The following PSMD14 variants were observed in gnomAD, a reference collection of about 807,000 sequenced individuals.
PSMD14 encodes the protein proteasome 26S subunit, non-ATPase 14, also known as ubiquitin C-terminal hydrolase PSMD14.
A neutral mutation model predicts 41.2 loss-of-function variants in PSMD14; 7 were observed. The observed-to-expected ratio is 0.17, with a 90% confidence interval of 0.10 to 0.32. PSMD14 has a LOEUF of 0.32. Ranked by LOEUF, PSMD14 falls within the 10% of genes least tolerant of loss-of-function variation. The pLI, the probability that PSMD14 is intolerant of heterozygous loss-of-function variation, is 1.00. For synonymous variants in PSMD14, 114 were observed against 122.3 expected, an observed-to-expected ratio of 0.93 and a Z score of 0.45; for missense variants, 139 against 375.6, an observed-to-expected ratio of 0.37 and a Z score of 5.21.
rs139626504 is a variant in PSMD14 at position 161,340,464 on chromosome 2, A to T, written c.48+21591A>T. Among the ~76,000 whole-genome samples the T allele has an allele frequency of 2.7e-3, 413 of 152,318 alleles. 6 individuals are homozygous for T. Among genetic ancestry groups the T allele is most frequent in the African/African-American group, 9.5e-3 (393 of 41,558 alleles). On this transcript the variant is annotated intron_variant, in intron 3 of 11. Transcript: ENST00000409682. ...GGAGTGAAAGTGAACTCTGCTTTTA[A>T]AATGTTCGTTTTATCTAAGGTGTGC... is the stretch of plus-strand genomic sequence containing the variant.
chr2:161,410,675 T>C (rs1413223684), intron 11 of PSMD14, among the ~76,000 whole-genome samples: 1 of 152,100 alleles, frequency 6.6e-6, no homozygotes, highest in Non-Finnish European at 1.5e-5. Context: ...ATACATTTTT[T>C]TCAAAATAGC....
chr2:161,310,320 A>T (rs1689074134), intron 1 of PSMD14, among the ~76,000 whole-genome samples: 1 of 152,214 alleles, frequency 6.6e-6, no homozygotes, highest in South Asian at 2.1e-4. Context: ...AGTGGAAGAG[A>T]TTAATCTAGT....
At chr2:161,347,515 C>T (rs1212044260) in intron 3 of PSMD14, among the ~76,000 whole-genome samples, 1 of 152,098 alleles carries the variant, frequency 6.6e-6, no homozygotes, top group Non-Finnish European at 1.5e-5. Flanking sequence ...GACGTTAGAT[C>T]ATATTAAGAT....
At chr2:161,390,281 GT>G (rs901643674) in intron 8 of PSMD14, among the ~76,000 whole-genome samples, 2 of 151,744 alleles carry the variant, frequency 1.3e-5, no homozygotes, top group Non-Finnish European at 2.9e-5. Context: ...AGTCCTTTTT[GT>G]TTTTATACTT....
At chr2:161,311,033 G>A (rs1379509857) in intron 1 of PSMD14, among the ~76,000 whole-genome samples, 1 of 152,198 alleles carries the variant, frequency 6.6e-6, no homozygotes, top group African/African-American at 2.4e-5. Context: ...TAGGCCAGGC[G>A]TGGTGGCTCA....
chr2:161,354,550 G>A (rs1683167372), intron 3 of PSMD14, among the ~76,000 whole-genome samples: 1 of 152,198 alleles, frequency 6.6e-6, no homozygotes, highest in Non-Finnish European at 1.5e-5. Flanking sequence ...CAAAGTGGGA[G>A]ACAGCCATTT....
rs189238540 is a variant in PSMD14 at position 161,315,621 on chromosome 2, C to A, written c.-137-816C>A. The stretch of plus-strand genomic sequence containing the variant: ...TCACTATTGCATTATTTTCCATATT[C>A]TTGTCATTTTAGTGTTTTTGGAATA... On this transcript the variant is annotated intron_variant, in intron 1 of 11. Transcript: ENST00000409682. 1.9e-3 allele frequency among the ~76,000 whole-genome samples: 293 copies of A among 151,954 alleles called. 3 individuals are homozygous for A. Among genetic ancestry groups the A allele is most frequent in the Admixed American group, 1.6e-3 (25 of 15,260 alleles).
intron 3 of PSMD14, among the ~76,000 whole-genome samples, chr2:161,343,522 T>C (rs757848450): frequency 4.6e-5 from 7 of 152,198 alleles, no homozygotes; most frequent in Non-Finnish European, 1.0e-4. Context: ...GCTATGAACA[T>C]TGGTGTAGAA....
chr2:161,383,766 C>G (rs1209650153), intron 7 of PSMD14: 1 of 151,532 alleles, frequency 6.6e-6, no homozygotes, highest in Non-Finnish European at 1.5e-5. Context: ...GGTGGCAATT[C>G]TTAATTTTCT....
chr2:161,411,256 C>T, intron 11 of PSMD14, 46 bp from the exon 12 acceptor site: 3 of 1,295,912 alleles, frequency 2.3e-6, no homozygotes, highest in South Asian at 2.9e-5. Flanking sequence ...ATTTATCTAC[C>T]AGTAATATGG....
intron 6 of PSMD14, 75 bp from the exon 7 acceptor site, chr2:161,371,097 G>A: frequency 6.8e-7 from 1 of 1,473,100 alleles, no homozygotes; most frequent in South Asian, 1.3e-5. Context: ...TACCCCGTTA[G>A]TGTGTTGTTT....
intron 10 of PSMD14, among the ~76,000 whole-genome samples, chr2:161,404,873 C>G (rs1185578438): frequency 2.0e-5 from 3 of 152,134 alleles, no homozygotes; most frequent in Non-Finnish European, 4.4e-5. Context: ...AAGATTCAGC[C>G]CTTGCCTTTC....
At chr2:161,393,976 T>C (rs1038153852) in intron 9 of PSMD14, among the ~76,000 whole-genome samples, 2 of 139,596 alleles carry the variant, frequency 1.4e-5, no homozygotes, top group African/African-American at 5.4e-5. Context: ...AGATAATTTT[T>C]TTTTTTTTTT....
intron 10 of PSMD14, among the ~76,000 whole-genome samples, chr2:161,399,666 A>G (rs1028528446): frequency 5.3e-5 from 8 of 152,156 alleles, no homozygotes; most frequent in African/African-American, 1.9e-4. Context: ...AAACATGGAA[A>G]AGTTCTAGCC....
intron 3 of PSMD14, among the ~76,000 whole-genome samples, chr2:161,333,667 T>G (rs1342466562): frequency 6.6e-6 from 1 of 152,206 alleles, no homozygotes; most frequent in African/African-American, 2.4e-5. Flanking sequence ...CAATTTAGCA[T>G]CATTCCCAGA....
chr2:161,375,618 C>CT (rs1231082063), intron 7 of PSMD14, among the ~76,000 whole-genome samples: 5 of 151,886 alleles, frequency 3.3e-5, no homozygotes, highest in African/African-American at 1.2e-4. Context: ...TTTGTTCATT[C>CT]TTTTTTCCAC....
At chr2:161,356,858 G>T (rs917800291) in intron 3 of PSMD14, among the ~76,000 whole-genome samples, 17 of 150,320 alleles carry the variant, frequency 1.1e-4, no homozygotes, top group Admixed American at 3.3e-4. Context: ...GCAGTTCAGT[G>T]ATGCTATTTA....
intron 8 of PSMD14, among the ~76,000 whole-genome samples, chr2:161,386,456 T>G (rs1683637503): frequency 6.6e-6 from 1 of 151,814 alleles, no homozygotes; most frequent in Admixed American, 6.6e-5. Flanking sequence ...TGGTTACACT[T>G]TGATAACTTT....
chr2:161,389,889 G>GTTGGTTTTTTTTTTT, intron 8 of PSMD14, among the ~76,000 whole-genome samples: 1 of 20,042 alleles, frequency 5.0e-5, no homozygotes, highest in African/African-American at 1.5e-4. Context: ...CTTTTTTGTT[G>GTTGGTTTTTTTTTTT]TTTTTTTTTT....
Sources: allele counts gnomAD v4.1 joint callset (sites outside exome capture counted in the v4.1 genomes callset), GRCh38; gene constraint gnomAD v4.1.1; transcripts MANE v1.5; gene names NCBI Gene and HGNC (gene_info 2026-07-23, HGNC 2026-07-21).